SP4: variants seen among roughly 807,000 people sequenced by gnomAD.
SP4 encodes transcription factor Sp4.
Under a neutral mutation model 72.8 loss-of-function variants are expected in SP4, and 19 were observed. The observed-to-expected ratio is 0.26, with a 90% confidence interval of 0.18 to 0.38. The LOEUF is 0.38. SP4 is among the 10% of genes least tolerant of loss of function. SP4 has a pLI of 1.00. For missense variants in SP4, 1,008 were observed against 926.3 expected (o/e 1.09, Z -1.14); for synonymous variants, 395 against 333.1 (o/e 1.19, Z -2.02).
Position 21,514,050 on chromosome 7 carries a change from T to G in SP4, c.*2781T>G, listed in dbSNP as rs1782209583. 1 of 152,656 alleles carries G rather than the reference T, an allele frequency of 6.6e-6. No homozygotes were observed. Among genetic ancestry groups the G allele is most frequent in the East Asian group, 1.9e-4 (1 of 5,200 alleles). The allele number at this position is 152,656 out of a possible 1,614,324, so 9.5% of individuals were successfully genotyped here. On this transcript the variant is annotated 3_prime_UTR_variant, in exon 6 of 6. Transcript: ENST00000222584. ...CCCTTTACCACCGTTATAAAACTTT[T>G]CTTTATTGTAATTATCAGTGCAAAG...
rs552852210 is a variant in SP4 at position 21,510,757 on chromosome 7, A to G, written c.2108-265A>G. ...TTGCTTTGTAGATGGGAAAACTGAG[A>G]GTTCCAGTGGCTATTTACTTGCTCC... On this transcript the variant is annotated intron_variant, in intron 5 of 5. Coordinates refer to ENST00000222584, the MANE Select transcript of SP4 (RefSeq NM_003112.5). Among the ~76,000 whole-genome samples, 54 of 152,320 alleles carry G rather than the reference A, an allele frequency of 3.5e-4. 1 individual carries two copies. In the South Asian group the frequency reaches 0.011, roughly 31 times the overall value.
intron 3 of SP4, among the ~76,000 whole-genome samples, chr7:21,466,146 T>G (rs1360191906): frequency 1.3e-5 from 2 of 152,162 alleles, no homozygotes; most frequent in African/African-American, 4.8e-5. Context: ...CATATTATAA[T>G]TATTTATTTG....
At chr7:21,478,304 G>A (rs1027541764) in intron 4 of SP4, among the ~76,000 whole-genome samples, 4 of 152,306 alleles carry the variant, frequency 2.6e-5, no homozygotes, top group East Asian at 3.9e-4. Context: ...TGGCCGTTAT[G>A]AATAATACTG....
intron 3 of SP4, among the ~76,000 whole-genome samples, chr7:21,461,230 G>C (rs965306623): frequency 6.6e-6 from 1 of 152,184 alleles, no homozygotes; most frequent in Non-Finnish European, 1.5e-5. Flanking sequence ...GATGGGACCG[G>C]GTGCCATGGA....
At chr7:21,482,293 A>G (rs1296071524) in intron 5 of SP4, among the ~76,000 whole-genome samples, 170 bp downstream of exon 5, 2 of 152,204 alleles carry the variant, frequency 1.3e-5, no homozygotes, top group Non-Finnish European at 2.9e-5. Flanking sequence ...CTCATTTCTG[A>G]GATACATTTT....
chr7:21,494,676 G>A (rs1003204937), intron 5 of SP4, among the ~76,000 whole-genome samples: 3 of 152,104 alleles, frequency 2.0e-5, no homozygotes, highest in Non-Finnish European at 2.9e-5. Context: ...GGATTGGATG[G>A]CCCAATATTG....
chr7:21,450,433 G>A (rs1159147572), intron 3 of SP4, among the ~76,000 whole-genome samples: 4 of 152,000 alleles, frequency 2.6e-5, no homozygotes, highest in African/African-American at 9.7e-5. Flanking sequence ...GGTGCAATAG[G>A]TTTCTGTTAT....
chr7:21,480,605 T>A (rs552222840), intron 4 of SP4, among the ~76,000 whole-genome samples: 3 of 152,370 alleles, frequency 2.0e-5, no homozygotes, highest in African/African-American at 7.2e-5. Context: ...TCTAATAATT[T>A]GAGTCCTACT....
chr7:21,468,146 G>A (rs940309776), intron 3 of SP4, among the ~76,000 whole-genome samples: 1 of 152,062 alleles, frequency 6.6e-6, no homozygotes, highest in African/African-American at 2.4e-5. Context: ...ACACGCATCT[G>A]TTTTAAATTG....
intron 5 of SP4, among the ~76,000 whole-genome samples, chr7:21,510,043 G>A (rs1484211957): frequency 1.3e-5 from 2 of 152,088 alleles, no homozygotes; most frequent in Non-Finnish European, 2.9e-5. Context: ...TATCTTGTGA[G>A]GCTTATTCTC....
At chr7:21,457,318 G>A (rs1783798166) in intron 3 of SP4, among the ~76,000 whole-genome samples, 1 of 151,966 alleles carries the variant, frequency 6.6e-6, no homozygotes, top group African/African-American at 2.4e-5. Flanking sequence ...CTTTTGTAAT[G>A]GAAAACATAC....
intron 3 of SP4, among the ~76,000 whole-genome samples, chr7:21,471,413 A>G (rs371815443): frequency 6.6e-6 from 1 of 152,258 alleles, no homozygotes; most frequent in South Asian, 2.1e-4. Flanking sequence ...TAGATAATGT[A>G]TATGGTGGAA....
chr7:21,459,704 G>T (rs560727872), intron 3 of SP4, among the ~76,000 whole-genome samples: 1 of 152,328 alleles, frequency 6.6e-6, no homozygotes, highest in East Asian at 1.9e-4. Flanking sequence ...TCTCATGGAA[G>T]ATTGCTTTTT....
At chr7:21,459,083 T>C (rs1783871137) in intron 3 of SP4, among the ~76,000 whole-genome samples, 1 of 151,642 alleles carries the variant, frequency 6.6e-6, no homozygotes. Flanking sequence ...TAAACTTCTA[T>C]AGAATTAAAG....
At chr7:21,442,236 C>T (rs772487545) in intron 3 of SP4, among the ~76,000 whole-genome samples, 5 of 151,768 alleles carry the variant, frequency 3.3e-5, no homozygotes, top group Admixed American at 6.6e-5. Flanking sequence ...AGGGGAGTTT[C>T]GCCATGTTGG....
At chr7:21,504,243 G>C (rs1321723485) in intron 5 of SP4, among the ~76,000 whole-genome samples, 1 of 152,158 alleles carries the variant, frequency 6.6e-6, no homozygotes, top group Non-Finnish European at 1.5e-5. Flanking sequence ...AAACCTGTTT[G>C]ACCAGTTCCC....
intron 5 of SP4, among the ~76,000 whole-genome samples, chr7:21,495,801 A>ATGTGTG (rs3060618): frequency 0.035 from 5,366 of 151,754 alleles, 338 homozygotes; most frequent in East Asian, 0.26. Flanking sequence ...GTGAGTGTGC[A>ATGTGTG]TGTGTGTGTG....
intron 5 of SP4, among the ~76,000 whole-genome samples, chr7:21,496,185 A>G (rs1228842379): frequency 2.6e-5 from 4 of 152,218 alleles, no homozygotes; most frequent in Non-Finnish European, 4.4e-5. Flanking sequence ...GGTGGCGATT[A>G]TGTGACTGAA....
intron 5 of SP4, among the ~76,000 whole-genome samples, chr7:21,507,078 A>G (rs560307474): frequency 2.0e-5 from 3 of 152,290 alleles, no homozygotes; most frequent in Non-Finnish European, 4.4e-5. Flanking sequence ...CTTCCTATGA[A>G]TAGGATATTC....
Sources: gnomAD v4.1 joint callset for allele counts (sites outside exome capture counted in the v4.1 genomes callset) on GRCh38, gnomAD v4.1.1 for gene constraint, MANE v1.5 for transcripts, NCBI Gene and HGNC (gene_info 2026-07-23, HGNC 2026-07-21) for gene names.